The following INHBC variants were observed in gnomAD, a reference collection of about 807,000 sequenced individuals.
INHBC encodes inhibin beta C chain.
INHBC carries 10 observed loss-of-function variants against 12.4 expected under a neutral mutation model. The ratio of observed to expected loss-of-function variants is 0.81; its 90% CI spans 0.50 to 1.37. The LOEUF (loss-of-function observed/expected upper bound fraction) is 1.37, where lower values mean the gene tolerates loss of function less well. Among genes scored for constraint, INHBC ranks in the 40% most tolerant of loss-of-function variants. INHBC has a pLI of 0.00. For missense variants in INHBC, 382 were observed against 439.4 expected, an observed-to-expected ratio of 0.87 and a Z score of 1.17; for synonymous variants, 147 against 171.6, an observed-to-expected ratio of 0.86 and a Z score of 1.12.
chr12:57,439,248 G>C (rs1003433379), intron 1 of INHBC, among the ~76,000 whole-genome samples: 1 of 152,134 alleles, frequency 6.6e-6, no homozygotes, highest in Non-Finnish European at 1.5e-5. Flanking sequence ...GTTCAAAATG[G>C]GGTATGGGAG....
intron 1 of INHBC, among the ~76,000 whole-genome samples, chr12:57,443,742 TTAAAA>T (rs1208109070): frequency 2.2e-4 from 33 of 152,344 alleles, no homozygotes; most frequent in African/African-American, 7.7e-4. Flanking sequence ...AATCCTGATG[TTAAAA>T]TAATTATAGA....
chr12:57,445,721 C>CA lies in INHBC; in HGVS notation c.314-3556_314-3555insA, dbSNP rs781591781. Among the ~76,000 whole-genome samples, 24 of 141,364 alleles carry CA rather than the reference C, an allele frequency of 1.7e-4. 1 individual carries two copies. The highest frequency in any genetic ancestry group is 3.0e-4 in the Non-Finnish European group (19 of 64,280). The allele number at this position is 141,364 out of a possible 152,430, so 92.7% of individuals were successfully genotyped here. On this transcript the variant is annotated intron_variant, in intron 1 of 1. Transcript: ENST00000309668. Reference sequence around the variant, plus strand: ...CTGGGTAACATAGTGAGACCCCCCGCCCATCTCCATGTAAATTTTTTTTTT... The same window carrying CA: ...CTGGGTAACATAGTGAGACCCCCCGCACCATCTCCATGTAAATTTTTTTTTT...
intron 1 of INHBC, among the ~76,000 whole-genome samples, chr12:57,446,733 A>G (rs1870587551): frequency 6.6e-6 from 1 of 151,806 alleles, no homozygotes; most frequent in Admixed American, 6.6e-5. Context: ...AAACTCCTGG[A>G]CTCAAGCCAT....
At chr12:57,440,286 T>C (rs148056098) in intron 1 of INHBC, among the ~76,000 whole-genome samples, 1 of 152,192 alleles carries the variant, frequency 6.6e-6, no homozygotes, top group East Asian at 1.9e-4. Context: ...TAGCAAGTCC[T>C]TTTAGAAATA....
chr12:57,435,350 A>C, intron 1 of INHBC, 151 bp downstream of exon 1: 1 of 722,158 alleles, frequency 1.4e-6, no homozygotes, highest in South Asian at 1.9e-5. Flanking sequence ...GTGTCCCGAC[A>C]ACCCCCACAT....
At chr12:57,435,534 C>T (rs777042814) in intron 1 of INHBC, among the ~76,000 whole-genome samples, 2 of 152,204 alleles carry the variant, frequency 1.3e-5, no homozygotes, top group African/African-American at 2.4e-5. Context: ...CTGTACACAG[C>T]GACTGGGAGG....
intron 1 of INHBC, among the ~76,000 whole-genome samples, chr12:57,435,827 C>A (rs1870323722): frequency 6.6e-6 from 1 of 151,634 alleles, no homozygotes; most frequent in African/African-American, 2.4e-5. Flanking sequence ...CGAGACCAGC[C>A]TGAGCAACAT....
chr12:57,435,928 C>T (rs1289858990), intron 1 of INHBC, among the ~76,000 whole-genome samples: 1 of 151,520 alleles, frequency 6.6e-6, no homozygotes, highest in Admixed American at 6.6e-5. Flanking sequence ...CTCACTGCAA[C>T]CTCCACCTCC....
chr12:57,444,200 G>A (rs528286746), intron 1 of INHBC, among the ~76,000 whole-genome samples: 2 of 152,298 alleles, frequency 1.3e-5, no homozygotes, highest in African/African-American at 4.8e-5. Flanking sequence ...CATTCTAGCT[G>A]CAGGGAAGAA....
In INHBC at chr12:57,449,386, T is replaced by G. The variant is rs769280227; in HGVS notation, c.423T>G (p.Pro141=). ...QASLMFFVQL[P]SNTTWTLKVR... Reference sequence around the variant, plus strand: ...GTCTCATGTTCTTTGTGCAGCTCCCTTCCAATACCACTTGGACCTTGAAAG... The same window carrying G: ...GTCTCATGTTCTTTGTGCAGCTCCCGTCCAATACCACTTGGACCTTGAAAG... The change falls in exon 2 of 2, where the codon CCT becomes CCG. Residue 141 remains proline, a synonymous_variant. Transcript: ENST00000309668. 7 of 1,614,112 alleles carry G rather than the reference T, an allele frequency of 4.3e-6. No individual in the cohort carries two copies. The highest frequency in any genetic ancestry group is 5.1e-6 in the Non-Finnish European group (6 of 1,180,054).
intron 1 of INHBC, among the ~76,000 whole-genome samples, chr12:57,436,959 G>A (rs1423077125): frequency 2.0e-5 from 3 of 152,022 alleles, no homozygotes; most frequent in Admixed American, 6.6e-5. Flanking sequence ...GAGCCACCGC[G>A]CCCAGCATAT....
At position 57,450,803 on chromosome 12, in the gene INHBC, C is replaced by G. The variant is rs1348426756; in HGVS notation, c.*781C>G. ...ACTACCTGGCTACCCCCTTCCATGG[C>G]CCCAGCTCTGCCTACATTCTGATAT... On this transcript the variant is annotated 3_prime_UTR_variant, in exon 2 of 2. Coordinates refer to ENST00000309668, the MANE Select transcript of INHBC (RefSeq NM_005538.4). 1 of 152,566 alleles carries G rather than the reference C, an allele frequency of 6.6e-6. No homozygotes were observed. The highest frequency in any genetic ancestry group is 1.5e-5 in the Non-Finnish European group (1 of 68,400). 9.5% of individuals were successfully genotyped at this position (152,566 alleles called of 1,614,324 possible).
chr12:57,438,895 G>A (rs1242572263), intron 1 of INHBC, among the ~76,000 whole-genome samples: 1 of 152,206 alleles, frequency 6.6e-6, no homozygotes, highest in African/African-American at 2.4e-5. Context: ...AAATATAGGT[G>A]AGGCTCCTCT....
At chr12:57,438,735 C>T (rs1260615573) in intron 1 of INHBC, among the ~76,000 whole-genome samples, 2 of 152,190 alleles carry the variant, frequency 1.3e-5, no homozygotes, top group Non-Finnish European at 2.9e-5. Context: ...TAGCAGCCTA[C>T]TAAAGTCTGC....
chr12:57,439,286 C>G (rs1353265025), intron 1 of INHBC, among the ~76,000 whole-genome samples: 4 of 152,192 alleles, frequency 2.6e-5, no homozygotes, highest in African/African-American at 9.7e-5. Context: ...AGTCACTGAT[C>G]CATAAAACTT....
intron 1 of INHBC, among the ~76,000 whole-genome samples, chr12:57,444,598 C>T (rs1472520125): frequency 6.6e-6 from 1 of 150,706 alleles, no homozygotes; most frequent in African/African-American, 2.4e-5. Flanking sequence ...GCTATACAAA[C>T]AGTTAAGCAG....
intron 1 of INHBC, among the ~76,000 whole-genome samples, chr12:57,440,848 TCTTC>T (rs1870448643): frequency 6.6e-6 from 1 of 152,108 alleles, no homozygotes; most frequent in South Asian, 2.1e-4. Context: ...TCCTCACTGT[TCTTC>T]CTTCCTTTAC....
Position 57,449,500 on chromosome 12 carries a change from A to C in INHBC, c.537A>C (p.Gln179His), listed in dbSNP as rs1594731115. The C allele has an allele frequency of 6.2e-7, 1 of 1,613,786 alleles. No homozygotes were observed. The highest frequency in any genetic ancestry group is 1.6e-4 in the Middle Eastern group (1 of 6,062). The change falls in exon 2 of 2, where the codon CAA becomes CAC. Residue 179 changes from glutamine (Q) to histidine (H), a missense_variant. Gln to His is a conservative substitution (Grantham distance 24). Transcript: ENST00000309668. ...LLEVDASGWHQLPLGPEAQAA... is the reference protein window; with the variant it reads ...LLEVDASGWHHLPLGPEAQAA... ...AGGTGGATGCCAGTGGCTGGCATCA[A>C]CTCCCCCTAGGGCCTGAAGCTCAAG...
intron 1 of INHBC, among the ~76,000 whole-genome samples, chr12:57,445,872 A>G (rs1046749283): frequency 2.0e-5 from 3 of 151,710 alleles, no homozygotes; most frequent in Non-Finnish European, 4.4e-5. Context: ...CAGCCTCCCA[A>G]GTAGCTGGGA....
Sources: gnomAD v4.1 joint callset for allele counts (sites outside exome capture counted in the v4.1 genomes callset) on GRCh38, gnomAD v4.1.1 for gene constraint, MANE v1.5 for transcripts, NCBI Gene and HGNC (gene_info 2026-07-23, HGNC 2026-07-21) for gene names.